TMEM74: variants seen among roughly 807,000 people sequenced by gnomAD.
TMEM74 encodes the protein transmembrane protein 74.
Under a neutral mutation model 18.1 loss-of-function variants are expected in TMEM74, and 13 were observed. The ratio of observed to expected loss-of-function variants is 0.72; its 90% CI spans 0.47 to 1.14. The LOEUF (loss-of-function observed/expected upper bound fraction) is 1.14, where lower values mean the gene tolerates loss of function less well. TMEM74 is among the 50% of genes most tolerant of loss of function. TMEM74 has a pLI of 0.00. For missense variants in TMEM74, 372 were observed against 375.9 expected (o/e 0.99, Z 0.09); for synonymous variants, 159 against 146.6 (o/e 1.08, Z -0.61).
intron 1 of TMEM74, among the ~76,000 whole-genome samples, chr8:108,701,597 G>A (rs1356360268): frequency 1.3e-5 from 2 of 152,058 alleles, no homozygotes; most frequent in Non-Finnish European, 2.9e-5. Flanking sequence ...CTATATACCA[G>A]CAATGAACAA....
chr8:108,728,802 T>C (rs1813665602), intron 1 of TMEM74, among the ~76,000 whole-genome samples: 1 of 152,306 alleles, frequency 6.6e-6, no homozygotes, highest in Non-Finnish European at 1.5e-5. Flanking sequence ...CTCTTATACA[T>C]ACAGACTCTC....
chr8:108,657,179 A>T (rs889743634), intron 1 of TMEM74, among the ~76,000 whole-genome samples: 5 of 152,202 alleles, frequency 3.3e-5, no homozygotes, highest in African/African-American at 1.2e-4. Flanking sequence ...GCACAGTTAA[A>T]AACTGAAATT....
chr8:108,785,756 G>T (rs1048937923), intron 1 of TMEM74, among the ~76,000 whole-genome samples: 1 of 152,158 alleles, frequency 6.6e-6, no homozygotes, highest in Non-Finnish European at 1.5e-5. Flanking sequence ...AGCCACCTCT[G>T]CTAAGCTTAC....
At chr8:108,721,684 C>T (rs1216955142) in intron 1 of TMEM74, among the ~76,000 whole-genome samples, 2 of 152,216 alleles carry the variant, frequency 1.3e-5, no homozygotes, top group Non-Finnish European at 2.9e-5. Flanking sequence ...TTCCTTCATA[C>T]AGAATATAAA....
At chr8:108,749,659 T>C (rs1813885540) in intron 1 of TMEM74, among the ~76,000 whole-genome samples, 1 of 152,050 alleles carries the variant, frequency 6.6e-6, no homozygotes, top group African/African-American at 2.4e-5. Flanking sequence ...TCTTACCTTA[T>C]TCCCTGGCCA....
intron 1 of TMEM74, among the ~76,000 whole-genome samples, chr8:108,706,559 C>A (rs1441679721): frequency 1.3e-5 from 2 of 152,146 alleles, no homozygotes; most frequent in African/African-American, 4.8e-5. Flanking sequence ...ATCATTGACC[C>A]TTAATAGGTT....
intron 3 of TMEM74, among the ~76,000 whole-genome samples, chr8:108,608,133 C>A (rs992321466): frequency 6.6e-6 from 1 of 151,794 alleles, no homozygotes; most frequent in Admixed American, 6.6e-5. Context: ...GAAACTCCAT[C>A]GCTACTAAAA....
intron 1 of TMEM74, among the ~76,000 whole-genome samples, chr8:108,756,142 A>G (rs1443443341): frequency 6.6e-6 from 1 of 152,042 alleles, no homozygotes; most frequent in Non-Finnish European, 1.5e-5. Flanking sequence ...TAAAATTTCA[A>G]ACGATTAGGT....
intron 1 of TMEM74, among the ~76,000 whole-genome samples, chr8:108,754,242 T>A (rs1260159377): frequency 2.6e-5 from 4 of 152,112 alleles, no homozygotes; most frequent in Non-Finnish European, 5.9e-5. Flanking sequence ...TTTCAACAAA[T>A]GCTAAAATTC....
At chr8:108,668,868 T>C (rs1386400335) in intron 1 of TMEM74, among the ~76,000 whole-genome samples, 1 of 152,092 alleles carries the variant, frequency 6.6e-6, no homozygotes, top group East Asian at 1.9e-4. Flanking sequence ...CAGAACTTTG[T>C]GTTTCTGCTT....
chr8:108,666,626 A>G (rs139424614), intron 1 of TMEM74, among the ~76,000 whole-genome samples: 3 of 152,122 alleles, frequency 2.0e-5, no homozygotes, highest in East Asian at 1.9e-4. Context: ...TACCTAATCT[A>G]CTCTTCATCA....
intron 2 of TMEM74, among the ~76,000 whole-genome samples, chr8:108,611,371 A>G (rs1407731967): frequency 5.9e-5 from 9 of 152,220 alleles, no homozygotes. Context: ...GTACAAGAAG[A>G]TACAAACAAG....
In TMEM74 at chr8:108,753,146, C is replaced by T. The variant is rs138116942; in HGVS notation, n.119+34330G>A. On this transcript the variant is annotated intron_variant and non_coding_transcript_variant, in intron 1 of 3. Coordinates refer to the TMEM74 transcript ENST00000518838. Reference sequence around the variant, plus strand: ...TGGAGTTTTTGATCAAGTAGTCTTTCGAGAATGAATTAACAGGCATTTTAT... The same window carrying T: ...TGGAGTTTTTGATCAAGTAGTCTTTTGAGAATGAATTAACAGGCATTTTAT... 5.6e-4 allele frequency among the ~76,000 whole-genome samples: 85 copies of T among 152,104 alleles called. No homozygotes were observed. The East Asian group carries it at 0.014, about 25-fold the overall frequency.
intron 1 of TMEM74, among the ~76,000 whole-genome samples, chr8:108,744,554 A>C (rs1489779043): frequency 6.6e-6 from 1 of 152,186 alleles, no homozygotes; most frequent in Admixed American, 6.6e-5. Flanking sequence ...AGTGCATAGT[A>C]AATCTACATT....
intron 2 of TMEM74, among the ~76,000 whole-genome samples, chr8:108,620,873 T>C (rs1812433034): frequency 6.6e-6 from 1 of 152,136 alleles, no homozygotes; most frequent in South Asian, 2.1e-4. Context: ...ATAGAAGTGA[T>C]ATTGTGAGAA....
In TMEM74 at chr8:108,682,638, A is replaced by C. The variant is rs189494634; in HGVS notation, n.120-27201T>G. Among the ~76,000 whole-genome samples, 215 of 152,176 alleles carry C rather than the reference A, an allele frequency of 1.4e-3. 1 individual carries two copies. The highest frequency in any genetic ancestry group is 6.8e-3 in the Middle Eastern group (2 of 294). ...ATGAAGAAAATGGTAGAGTTAGACTAAAAGATTTCAAAAGCTCTATCCACC... is the reference window on the plus strand; with the variant it reads ...ATGAAGAAAATGGTAGAGTTAGACTCAAAGATTTCAAAAGCTCTATCCACC... On this transcript the variant is annotated intron_variant and non_coding_transcript_variant, in intron 1 of 3. Transcript: ENST00000518838.
At chr8:108,724,607 T>C (rs984283071) in intron 1 of TMEM74, among the ~76,000 whole-genome samples, 1 of 152,198 alleles carries the variant, frequency 6.6e-6, no homozygotes, top group Admixed American at 6.5e-5. Flanking sequence ...TTATGTTCAT[T>C]ATAAGCAAGT....
At chr8:108,665,067 C>T (rs1186547025) in intron 1 of TMEM74, among the ~76,000 whole-genome samples, 1 of 151,878 alleles carries the variant, frequency 6.6e-6, no homozygotes, top group African/African-American at 2.4e-5. Context: ...GGTCACATAC[C>T]TTGATATCCT....
intron 1 of TMEM74, among the ~76,000 whole-genome samples, chr8:108,764,493 T>C (rs1404919472): frequency 6.6e-6 from 1 of 152,202 alleles, no homozygotes; most frequent in African/African-American, 2.4e-5. Flanking sequence ...AGTAAATTCC[T>C]GGATGCCATG....
Sources: gnomAD v4.1 joint callset for allele counts (sites outside exome capture counted in the v4.1 genomes callset) on GRCh38, gnomAD v4.1.1 for gene constraint, MANE v1.5 for transcripts, NCBI Gene and HGNC (gene_info 2026-07-23, HGNC 2026-07-21) for gene names.